Variants in NCAM2 observed in about 807,000 individuals in gnomAD.
The protein encoded by NCAM2 is N-CAM-2.
A neutral mutation model predicts 98.1 loss-of-function variants in NCAM2; 30 were observed. The ratio of observed to expected loss-of-function variants is 0.31; its 90% CI spans 0.23 to 0.41. The LOEUF is 0.41. Ranked by LOEUF, NCAM2 falls within the 10% of genes least tolerant of loss-of-function variation. NCAM2 has a pLI of 1.00. For synonymous variants in NCAM2, 368 were observed against 342.4 expected (o/e 1.07, Z -0.83); for missense variants, 867 against 1,005.8 (o/e 0.86, Z 1.87).
At chr21:21,165,586 C>A (rs2067925020) in intron 1 of NCAM2, among the ~76,000 whole-genome samples, 1 of 152,146 alleles carries the variant, frequency 6.6e-6, no homozygotes, top group Admixed American at 6.5e-5. Flanking sequence ...CCAATTCTTT[C>A]TTTGGAATGT....
At chr21:21,234,503 C>A (rs1568809677) in intron 1 of NCAM2, among the ~76,000 whole-genome samples, 1 of 151,824 alleles carries the variant, frequency 6.6e-6, no homozygotes, top group Non-Finnish European at 1.5e-5. Context: ...TGTATAAACT[C>A]TTTTCTTAAG....
At chr21:21,365,994 T>C (rs2075776080) in intron 8 of NCAM2, among the ~76,000 whole-genome samples, 1 of 151,886 alleles carries the variant, frequency 6.6e-6, no homozygotes, top group South Asian at 2.1e-4. Flanking sequence ...AAAAGGTGAA[T>C]ATATCCTTTG....
At chr21:21,128,780 CAA>C (rs1244679661) in intron 1 of NCAM2, among the ~76,000 whole-genome samples, 4 of 150,772 alleles carry the variant, frequency 2.7e-5, no homozygotes, top group African/African-American at 7.4e-5. Flanking sequence ...GATAATAAAA[CAA>C]AAGATCAATG....
At chr21:21,317,120 G>T (rs923239345) in intron 5 of NCAM2, among the ~76,000 whole-genome samples, 1 of 152,082 alleles carries the variant, frequency 6.6e-6, no homozygotes, top group African/African-American at 2.4e-5. Flanking sequence ...TCTGAGAGAC[G>T]CTGCTGTACT....
At chr21:21,100,599 A>C (rs897344712) in intron 1 of NCAM2, among the ~76,000 whole-genome samples, 1 of 152,064 alleles carries the variant, frequency 6.6e-6, no homozygotes, top group Non-Finnish European at 1.5e-5. Context: ...TGCAGAAGGA[A>C]ATCTTATAAA....
chr21:21,390,438 C>T (rs926549506), intron 9 of NCAM2, among the ~76,000 whole-genome samples: 3 of 152,016 alleles, frequency 2.0e-5, no homozygotes, highest in African/African-American at 4.8e-5. Context: ...AGTGAATGAC[C>T]TTTGCTTCAG....
At chr21:21,398,889 G>C (rs949843746) in intron 9 of NCAM2, among the ~76,000 whole-genome samples, 1 of 152,198 alleles carries the variant, frequency 6.6e-6, no homozygotes, top group Non-Finnish European at 1.5e-5. Flanking sequence ...AGCCAAACAT[G>C]AGAGATGAGA....
chr21:21,073,227 G>C (rs1337029313), intron 1 of NCAM2, among the ~76,000 whole-genome samples: 2 of 151,894 alleles, frequency 1.3e-5, no homozygotes, highest in Non-Finnish European at 2.9e-5. Context: ...TCTATTGATG[G>C]ACACACTTAT....
At chr21:21,414,201 GCTCT>G (rs1168560834) in intron 10 of NCAM2, among the ~76,000 whole-genome samples, 1 of 152,054 alleles carries the variant, frequency 6.6e-6, no homozygotes, top group Non-Finnish European at 1.5e-5. Flanking sequence ...TCTAATTCTA[GCTCT>G]CTATTTCCAC....
chr21:21,158,966 G>A (rs1038399556), intron 1 of NCAM2, among the ~76,000 whole-genome samples: 1 of 152,088 alleles, frequency 6.6e-6, no homozygotes, highest in Admixed American at 6.5e-5. Flanking sequence ...GTTATCATAG[G>A]AGAGGATAGC....
At chr21:21,410,884 A>T (rs993614850) in intron 10 of NCAM2, among the ~76,000 whole-genome samples, 4 of 148,624 alleles carry the variant, frequency 2.7e-5, no homozygotes, top group African/African-American at 9.9e-5. Flanking sequence ...GTGTGTGCCT[A>T]TAGCCCCAGC....
intron 6 of NCAM2, among the ~76,000 whole-genome samples, chr21:21,331,628 C>T (rs1403497076): frequency 1.3e-5 from 1 of 75,054 alleles, no homozygotes; most frequent in Non-Finnish European, 2.7e-5. Context: ...CACTCCGTCG[C>T]CCAGGCTGGA....
intron 13 of NCAM2, among the ~76,000 whole-genome samples, chr21:21,467,485 G>A (rs1477727274): frequency 1.3e-5 from 2 of 148,386 alleles, no homozygotes; most frequent in African/African-American, 2.5e-5. Context: ...ATCTTACAGA[G>A]TATCTCTCTA....
intron 15 of NCAM2, among the ~76,000 whole-genome samples, chr21:21,499,465 C>A (rs185538480): frequency 6.6e-6 from 1 of 152,058 alleles, no homozygotes; most frequent in East Asian, 1.9e-4. Flanking sequence ...ATGGTCTCGA[C>A]CTCCTGACCT....
At chr21:21,276,576 T>C (rs908749220) in intron 1 of NCAM2, among the ~76,000 whole-genome samples, 1 of 152,088 alleles carries the variant, frequency 6.6e-6, no homozygotes, top group African/African-American at 2.4e-5. Context: ...AACAATTTAG[T>C]TTTCTTCTGG....
intron 1 of NCAM2, among the ~76,000 whole-genome samples, chr21:21,265,051 A>ATT (rs1568855519): frequency 3.5e-4 from 7 of 20,064 alleles, no homozygotes; most frequent in African/African-American, 8.4e-4. Flanking sequence ...ACACATATAT[A>ATT]CTATATATGT....
intron 16 of NCAM2, among the ~76,000 whole-genome samples, chr21:21,531,951 C>CCA (rs1989725545): frequency 1.3e-5 from 2 of 151,254 alleles, no homozygotes. Flanking sequence ...CGAGATCACG[C>CCA]CACTGCACAC....
At chr21:21,299,522 C>T (rs2073628927) in intron 5 of NCAM2, among the ~76,000 whole-genome samples, 1 of 151,894 alleles carries the variant, frequency 6.6e-6, no homozygotes, top group Admixed American at 6.6e-5. Context: ...TGCTTAATTT[C>T]TCTAGGATGA....
chr21:21,427,048 C>A (rs2077228711), intron 11 of NCAM2, among the ~76,000 whole-genome samples: 1 of 152,120 alleles, frequency 6.6e-6, no homozygotes, highest in African/African-American at 2.4e-5. Context: ...AGTTTAGCAA[C>A]ACCACAGCCT....
Sources: gnomAD v4.1 joint callset for allele counts (sites outside exome capture counted in the v4.1 genomes callset) on GRCh38, gnomAD v4.1.1 for gene constraint, MANE v1.5 for transcripts, NCBI Gene and HGNC (gene_info 2026-07-23, HGNC 2026-07-21) for gene names.